Variants in PRKCE observed in about 807,000 individuals in gnomAD.
The protein encoded by PRKCE is protein kinase C epsilon type.
Under a neutral mutation model 85.4 loss-of-function variants are expected in PRKCE, and 16 were observed. That is an observed-to-expected ratio of 0.19 (90% CI 0.13 to 0.28). The LOEUF (loss-of-function observed/expected upper bound fraction) is 0.28. Ranked by LOEUF, PRKCE falls within the 10% of genes least tolerant of loss-of-function variation. PRKCE has a pLI of 1.00. For synonymous variants in PRKCE, 388 were observed against 371.5 expected (o/e 1.04, Z -0.51); for missense variants, 573 against 975.2 (o/e 0.59, Z 5.49).
At chr2:45,891,647 A>G (rs1242216553) in intron 2 of PRKCE, among the ~76,000 whole-genome samples, 1 of 152,184 alleles carries the variant, frequency 6.6e-6, no homozygotes, top group Non-Finnish European at 1.5e-5. Flanking sequence ...TCTGCCTTCC[A>G]TCAACAATCA....
intron 1 of PRKCE, among the ~76,000 whole-genome samples, chr2:45,823,131 G>A (rs762262193): frequency 2.6e-5 from 4 of 152,206 alleles, no homozygotes; most frequent in East Asian, 1.9e-4. Flanking sequence ...CTGTCAAGCC[G>A]TGTGCTCCAG....
rs183774351 is a variant in PRKCE at position 45,995,541 on chromosome 2, T to G, written c.824-5863T>G. Among the ~76,000 whole-genome samples the G allele has an allele frequency of 4.1e-4, 62 of 152,338 alleles. No homozygotes were observed. In the South Asian group the frequency reaches 4.6e-3, roughly 11 times the overall value. On this transcript the variant is annotated intron_variant, in intron 6 of 14. Transcript: ENST00000306156. ...TTCATTTTTGTGAAGATCGTAAGGT[T>G]TGTGTCTAGATTCACTGTTTTGCAT...
At chr2:45,885,099 G>A (rs548884853) in intron 2 of PRKCE, among the ~76,000 whole-genome samples, 2 of 150,978 alleles carry the variant, frequency 1.3e-5, no homozygotes, top group South Asian at 2.1e-4. Context: ...GTGAGCAGAG[G>A]TATACTTTCT....
chr2:45,984,440 A>G (rs1418109077), intron 5 of PRKCE, 111 bp from the exon 6 acceptor site: 7 of 1,474,218 alleles, frequency 4.7e-6, no homozygotes, highest in Non-Finnish European at 6.4e-6. Flanking sequence ...AGGGCCTGCC[A>G]CCTACAATGA....
At chr2:46,099,899 T>G (rs984895856) in intron 11 of PRKCE, among the ~76,000 whole-genome samples, 2 of 152,182 alleles carry the variant, frequency 1.3e-5, no homozygotes, top group African/African-American at 4.8e-5. Flanking sequence ...CACCTGTCTT[T>G]TTAGTCTTCA....
intron 1 of PRKCE, among the ~76,000 whole-genome samples, chr2:45,690,661 TA>T (rs1464858378): frequency 6.6e-6 from 1 of 152,232 alleles, no homozygotes; most frequent in African/African-American, 2.4e-5. Flanking sequence ...ATGAACCTCT[TA>T]AAGAGAAGGC....
chr2:45,837,617 G>A (rs539788163), intron 1 of PRKCE, among the ~76,000 whole-genome samples: 50 of 152,300 alleles, frequency 3.3e-4, no homozygotes, highest in Non-Finnish European at 2.8e-4. Flanking sequence ...AGACATAGGT[G>A]TGAATGGCAC....
intron 10 of PRKCE, among the ~76,000 whole-genome samples, chr2:46,024,303 G>T (rs1005915483): frequency 6.7e-6 from 1 of 148,952 alleles, no homozygotes; most frequent in Non-Finnish European, 1.5e-5. Context: ...CTGTTATGAG[G>T]ACATTTTTTT....
chr2:45,684,343 T>G (rs1393746601), intron 1 of PRKCE, among the ~76,000 whole-genome samples: 2 of 152,226 alleles, frequency 1.3e-5, no homozygotes, highest in Non-Finnish European at 2.9e-5. Flanking sequence ...AGCATGATTC[T>G]GAAATGACGC....
intron 12 of PRKCE, among the ~76,000 whole-genome samples, chr2:46,148,471 A>G (rs1676298504): frequency 6.6e-6 from 1 of 152,188 alleles, no homozygotes; most frequent in African/African-American, 2.4e-5. Flanking sequence ...AGCACACACA[A>G]GCCACCTTCT....
intron 1 of PRKCE, among the ~76,000 whole-genome samples, chr2:45,716,606 G>T: frequency 7.0e-6 from 1 of 143,690 alleles, no homozygotes; most frequent in South Asian, 2.2e-4. Context: ...GAAGGAGAGG[G>T]AGAAGAAGAA....
intron 14 of PRKCE, among the ~76,000 whole-genome samples, chr2:46,179,828 A>G (rs1238987489): frequency 6.6e-6 from 1 of 152,148 alleles, no homozygotes; most frequent in Non-Finnish European, 1.5e-5. Flanking sequence ...TTCATGAATC[A>G]GACTACAGCC....
intron 2 of PRKCE, among the ~76,000 whole-genome samples, chr2:45,950,984 C>T (rs1700581772): frequency 6.6e-6 from 1 of 152,206 alleles, no homozygotes; most frequent in Non-Finnish European, 1.5e-5. Flanking sequence ...GCCACCAAGA[C>T]AAAAGCTCCA....
chr2:45,661,009 A>G (rs1675611091), intron 1 of PRKCE, among the ~76,000 whole-genome samples: 1 of 152,170 alleles, frequency 6.6e-6, no homozygotes, highest in African/African-American at 2.4e-5. Flanking sequence ...TGAAACCCAG[A>G]TGCTGAAATG....
Position 46,136,301 on chromosome 2 carries a change from A to G in PRKCE, c.1593-8792A>G, listed in dbSNP as rs189861505. 3.5e-3 allele frequency among the ~76,000 whole-genome samples: 534 copies of G among 152,312 alleles called. 5 individuals carry two copies. Among genetic ancestry groups the G allele is most frequent in the Non-Finnish European group, 4.7e-3 (321 of 68,016 alleles). On this transcript the variant is annotated intron_variant, in intron 11 of 14. Coordinates refer to ENST00000306156, the MANE Select transcript of PRKCE (RefSeq NM_005400.3). The stretch of plus-strand genomic sequence containing the variant: ...GTCAAGCATAAAAGAATTGTTTCCT[A>G]TTCTTTCTGATATGTTAAGGGCCTC...
intron 1 of PRKCE, among the ~76,000 whole-genome samples, chr2:45,810,360 A>G (rs1688569479): frequency 6.6e-6 from 1 of 152,196 alleles, no homozygotes; most frequent in African/African-American, 2.4e-5. Flanking sequence ...CTTTTTAAAA[A>G]GATGAACTCT....
intron 1 of PRKCE, among the ~76,000 whole-genome samples, chr2:45,808,029 C>G (rs1480235907): frequency 1.3e-5 from 2 of 152,094 alleles, no homozygotes; most frequent in Non-Finnish European, 2.9e-5. Flanking sequence ...CCAAGGCTGC[C>G]CACAGATTTC....
At chr2:46,086,706 G>A (rs1362787678) in intron 11 of PRKCE, among the ~76,000 whole-genome samples, 2 of 152,130 alleles carry the variant, frequency 1.3e-5, no homozygotes, top group Non-Finnish European at 2.9e-5. Flanking sequence ...CTCTTTACGT[G>A]TTTCTTCTGT....
At chr2:45,952,156 G>A (rs1055745902) in intron 2 of PRKCE, among the ~76,000 whole-genome samples, 1 of 152,190 alleles carries the variant, frequency 6.6e-6, no homozygotes, top group African/African-American at 2.4e-5. Context: ...AAAAGAGCCT[G>A]ACTCCTAGAA....
Sources: gnomAD v4.1 joint callset for allele counts (sites outside exome capture counted in the v4.1 genomes callset) on GRCh38, gnomAD v4.1.1 for gene constraint, MANE v1.5 for transcripts, NCBI Gene and HGNC (gene_info 2026-07-23, HGNC 2026-07-21) for gene names.